Variants in GIPC2 observed in about 807,000 individuals in gnomAD.
GIPC2 encodes the protein GIPC PDZ domain containing family member 2.
A neutral mutation model predicts 30.6 loss-of-function variants in GIPC2; 30 were observed. The observed-to-expected ratio is 0.98, with a 90% CI of 0.73 to 1.33. GIPC2 has a LOEUF of 1.33. Among genes scored for constraint, GIPC2 ranks in the 40% most tolerant of loss-of-function variants. GIPC2 has a pLI of 0.00. For missense variants in GIPC2, 414 were observed against 390.3 expected (o/e 1.06, Z -0.51); for synonymous variants, 167 against 150.0 (o/e 1.11, Z -0.83).
intron 1 of GIPC2, chr1:78,069,229 C>A: frequency 3.2e-6 from 1 of 307,804 alleles, no homozygotes; most frequent in Non-Finnish European, 4.8e-6. Context: ...TGGGCTTATT[C>A]TATCCCTGGG....
rs1414029308 is a variant in GIPC2 at position 78,080,796 on chromosome 1, A to G, written c.362A>G (p.Tyr121Cys). ...VKGIEKEVNV[Y>C]KSEDSLGLTI... ...GGAATCGAAAAAGAAGTGAATGTGT[A>G]TAAATCTGAGGATTCACTTGGTCTC... Residue 121 changes from tyrosine to cysteine, a missense_variant, in exon 2 of 6, where the codon TAT (tyrosine) becomes TGT (cysteine). By Grantham distance (194) the Tyr-to-Cys change is radical (BLOSUM62 -2). Coordinates refer to ENST00000370759, the MANE Select transcript of GIPC2 (RefSeq NM_017655.6). 8 of 1,610,948 alleles carry G rather than the reference A, an allele frequency of 5.0e-6. No homozygotes were observed. The South Asian group carries it at 8.8e-5, about 18-fold the overall frequency.
chr1:78,126,775 G>T (rs1054656394), intron 5 of GIPC2, among the ~76,000 whole-genome samples: 1 of 152,030 alleles, frequency 6.6e-6, no homozygotes, highest in South Asian at 2.1e-4. Flanking sequence ...CTGCATCCTC[G>T]TGGCATCAAG....
At chr1:78,061,187 A>AC (rs1234585433) in intron 1 of GIPC2, among the ~76,000 whole-genome samples, 4 of 151,900 alleles carry the variant, frequency 2.6e-5, no homozygotes, top group African/African-American at 9.7e-5. Context: ...CTTGGTGTAA[A>AC]CCCCCATCAC....
intron 3 of GIPC2, among the ~76,000 whole-genome samples, chr1:78,111,261 G>A (rs1431612355): frequency 6.6e-6 from 1 of 152,138 alleles, no homozygotes; most frequent in Non-Finnish European, 1.5e-5. Context: ...GGGGCGGCGG[G>A]GGGTACTGGA....
intron 3 of GIPC2, among the ~76,000 whole-genome samples, chr1:78,099,599 C>T (rs1414585123): frequency 3.9e-5 from 6 of 151,930 alleles, no homozygotes; most frequent in African/African-American, 9.7e-5. Context: ...CCACCGTGCT[C>T]GGCTAATTTT....
chr1:78,135,719 T>C lies in GIPC2; in HGVS notation c.924T>C (p.Gly308=), dbSNP rs138341195. 2,052 of 1,613,702 alleles carry C rather than the reference T, an allele frequency of 1.3e-3. 4 individuals carry two copies. Among genetic ancestry groups the C allele is most frequent in the Non-Finnish European group, 1.6e-3 (1,881 of 1,179,854 alleles). The stretch of plus-strand genomic sequence containing the variant: ...TCTTTGATGTTTGGGGAGTCATTGG[T>C]GATGCCAAACGAAGAGGATTATGAT... ...EFVFDVWGVI[G]DAKRRGL Residue 308 remains glycine, a synonymous_variant, in exon 6 of 6, where the codon GGT becomes GGC. Coordinates refer to ENST00000370759, the MANE Select transcript of GIPC2 (RefSeq NM_017655.6).
chr1:78,082,947 T>C (rs997690164), intron 2 of GIPC2, among the ~76,000 whole-genome samples: 14 of 150,764 alleles, frequency 9.3e-5, no homozygotes, highest in African/African-American at 1.5e-4. Flanking sequence ...TACACACACA[T>C]ATATATATAT....
At chr1:78,049,608 G>A (rs1661157887) in intron 1 of GIPC2, among the ~76,000 whole-genome samples, 1 of 152,200 alleles carries the variant, frequency 6.6e-6, no homozygotes, top group Non-Finnish European at 1.5e-5. Context: ...ACTCTTTATT[G>A]AGGAGAAAGG....
At chr1:78,099,952 C>T (rs1662210442) in intron 3 of GIPC2, among the ~76,000 whole-genome samples, 1 of 152,048 alleles carries the variant, frequency 6.6e-6, no homozygotes, top group Non-Finnish European at 1.5e-5. Flanking sequence ...AAATGAAGCT[C>T]AAGAGTCAGT....
chr1:78,053,745 T>TAA lies in GIPC2; in HGVS notation c.240+7430_240+7431dup, dbSNP rs11384461. On this transcript the variant is annotated intron_variant, in intron 1 of 5. Coordinates refer to ENST00000370759, the MANE Select transcript of GIPC2 (RefSeq NM_017655.6). ...GGCAACATAGTGGTACCCTGCCTCT[T>TAA]AAAAAAAAAAAAAAAAAAAAGCCAA... 7.1e-3 allele frequency among the ~76,000 whole-genome samples: 626 copies of TAA among 88,178 alleles called. 10 individuals carry two copies. Among genetic ancestry groups the TAA allele is most frequent in the East Asian group, 0.015 (48 of 3,120 alleles). 57.8% of individuals were successfully genotyped at this position (88,178 alleles called of 152,430 possible).
intron 1 of GIPC2, among the ~76,000 whole-genome samples, chr1:78,052,436 A>T (rs769503469): frequency 1.3e-5 from 2 of 152,202 alleles, no homozygotes; most frequent in Admixed American, 6.5e-5. Context: ...TAGTTGTTGA[A>T]TAAAAGGATC....
intron 3 of GIPC2, among the ~76,000 whole-genome samples, chr1:78,100,575 G>A (rs1186208011): frequency 1.3e-5 from 2 of 152,126 alleles, no homozygotes; most frequent in African/African-American, 4.8e-5. Context: ...GGATAGGAAA[G>A]AAATTATAAA....
intron 2 of GIPC2, among the ~76,000 whole-genome samples, chr1:78,087,421 A>G (rs192798191): frequency 2.4e-4 from 36 of 152,310 alleles, no homozygotes; most frequent in African/African-American, 8.7e-4. Flanking sequence ...GGAACAGAAT[A>G]GAGAGCCCAG....
chr1:78,080,391 C>G (rs894226051), intron 1 of GIPC2, among the ~76,000 whole-genome samples: 1 of 152,026 alleles, frequency 6.6e-6, no homozygotes, highest in Non-Finnish European at 1.5e-5. Flanking sequence ...TATGGTGATA[C>G]CAATGTCCTT....
chr1:78,132,384 T>C (rs1662915579), intron 5 of GIPC2, among the ~76,000 whole-genome samples: 1 of 152,172 alleles, frequency 6.6e-6, no homozygotes, highest in African/African-American at 2.4e-5. Flanking sequence ...TGGGCAGTAC[T>C]GAGTGTGGGG....
At chr1:78,133,213 C>T (rs1015036467) in intron 5 of GIPC2, among the ~76,000 whole-genome samples, 14 of 152,298 alleles carry the variant, frequency 9.2e-5, no homozygotes, top group Admixed American at 8.5e-4. Context: ...ACTGAGTAAG[C>T]TACTCAAGAT....
chr1:78,135,510 A>C, intron 5 of GIPC2, 82 bp from the exon 6 acceptor site: 1 of 766,500 alleles, frequency 1.3e-6, no homozygotes, highest in Admixed American at 2.8e-5. Context: ...TACTTTTAGC[A>C]AGTAATTTTC....
chr1:78,105,353 C>T (rs1295025551), intron 3 of GIPC2, among the ~76,000 whole-genome samples: 1 of 148,540 alleles, frequency 6.7e-6, no homozygotes, highest in Non-Finnish European at 1.5e-5. Context: ...GTGGTGCGAT[C>T]TCAGCTCACT....
At chr1:78,120,810 C>T (rs756789112) in intron 4 of GIPC2, among the ~76,000 whole-genome samples, 10 of 152,116 alleles carry the variant, frequency 6.6e-5, no homozygotes, top group Admixed American at 3.9e-4. Flanking sequence ...TACCTCCCAC[C>T]GGGTCCCTCC....
Sources: gnomAD v4.1 joint callset for allele counts (sites outside exome capture counted in the v4.1 genomes callset) on GRCh38, gnomAD v4.1.1 for gene constraint, MANE v1.5 for transcripts, NCBI Gene and HGNC (gene_info 2026-07-23, HGNC 2026-07-21) for gene names.